Variants in OR4K1 observed in about 807,000 individuals in gnomAD.
OR4K1 encodes the protein olfactory receptor 4K1.
In OR4K1, 16 loss-of-function variants were observed where a neutral mutation model predicts 14.4. The ratio of observed to expected loss-of-function variants is 1.11; its 90% confidence interval spans 0.75 to 1.68. OR4K1 has a LOEUF of 1.68. Among genes scored for constraint, OR4K1 ranks in the 40% most tolerant of loss-of-function variants. The probability of loss-of-function intolerance (pLI) is 0.00; values close to 1 mark genes in which losing one functional copy is unlikely to be tolerated. For synonymous variants in OR4K1, 181 were observed against 133.1 expected, an observed-to-expected ratio of 1.36 and a Z score of -2.48; for missense variants, 548 against 376.9, an observed-to-expected ratio of 1.45 and a Z score of -3.76.
At chr14:19,935,476 G>A (rs1882283562) in intron 1 of OR4K1, 172 bp from the exon 2 acceptor site, 2 of 525,444 alleles carry the variant, frequency 3.8e-6, no homozygotes, top group African/African-American at 2.0e-5. Context: ...AACTTTCATA[G>A]CAGTCATGGA....
chr14:19,924,152 G>C, the OR4K1 span, among the ~76,000 whole-genome samples: 1 of 152,112 alleles, frequency 6.6e-6, no homozygotes, highest in Non-Finnish European at 1.5e-5. Context: ...TGTAATCCTA[G>C]CACTTTGGGA....
chr14:19,920,723 G>C, the OR4K1 span: 1 of 1,613,978 alleles, frequency 6.2e-7, no homozygotes, highest in Non-Finnish European at 8.5e-7. Context: ...CAGTCATTGT[G>C]CTGGGAAATC....
the OR4K1 span, among the ~76,000 whole-genome samples, chr14:19,923,157 T>C: frequency 6.6e-6 from 1 of 152,250 alleles, no homozygotes; most frequent in Non-Finnish European, 1.5e-5. Context: ...TGGTGTCATT[T>C]ATTTAATTGT....
upstream of OR4K1, among the ~76,000 whole-genome samples, chr14:19,928,383 G>T (rs1359165273): frequency 9.2e-5 from 14 of 152,132 alleles, no homozygotes; most frequent in Non-Finnish European, 1.9e-4. Flanking sequence ...CTTTTAGCCA[G>T]GATCTCTTCA....
the OR4K1 span, chr14:19,921,002 T>C: frequency 1.2e-6 from 2 of 1,614,186 alleles, no homozygotes; most frequent in Non-Finnish European, 1.7e-6. Flanking sequence ...CCTTATACTA[T>C]GTGGTCATCA....
At chr14:19,920,710 A>G in the OR4K1 span, 2 of 1,614,134 alleles carry the variant, frequency 1.2e-6, no homozygotes, top group Middle Eastern at 1.6e-4. Context: ...TCTGTGTTGT[A>G]TACAGTCATT....
chr14:19,926,602 C>T (rs1233559658), upstream of OR4K1, among the ~76,000 whole-genome samples: 1 of 152,164 alleles, frequency 6.6e-6, no homozygotes, highest in Non-Finnish European at 1.5e-5. Context: ...GAAAGAGGCA[C>T]AGTTCTCTCA....
the OR4K1 span, among the ~76,000 whole-genome samples, chr14:19,924,702 C>T: frequency 6.6e-6 from 1 of 152,162 alleles, no homozygotes; most frequent in Non-Finnish European, 1.5e-5. Context: ...TGGTTATATA[C>T]CCAAAGGAAT....
At position 19,936,056 on chromosome 14, in the gene OR4K1, G is replaced by T; in HGVS notation, c.390G>T (p.Leu130=). Residue 130 remains leucine, a synonymous_variant, in exon 2 of 2, where the codon CTG becomes CTT. Transcript: ENST00000641172. ...GATTTATAGCCATATGTAAGCCTCTGCACTACAGTACAATTATGAACCGGA... is the reference window on the plus strand; with the variant it reads ...GATTTATAGCCATATGTAAGCCTCTTCACTACAGTACAATTATGAACCGGA... ...YDRFIAICKP[L]HYSTIMNRRL... is the part of the protein sequence containing the mutation. 1 of 1,614,244 alleles carries T rather than the reference G, an allele frequency of 6.2e-7. No individual in the cohort carries two copies. Among genetic ancestry groups the T allele is most frequent in the African/African-American group, 1.3e-5 (1 of 75,058 alleles).
chr14:19,927,673 C>T (rs112948662), upstream of OR4K1, among the ~76,000 whole-genome samples: 1 of 152,206 alleles, frequency 6.6e-6, no homozygotes, highest in Non-Finnish European at 1.5e-5. Flanking sequence ...TGTTATGGTG[C>T]CATTCTGCAG....
At chr14:19,929,844 C>T (rs976154315), upstream of OR4K1, among the ~76,000 whole-genome samples, 6 of 152,188 alleles carry the variant, frequency 3.9e-5, no homozygotes, top group Non-Finnish European at 7.4e-5. Flanking sequence ...TTGTGATAGT[C>T]CCTTAACTGT....
chr14:19,936,416 C>T lies in OR4K1; in HGVS notation c.750C>T (p.Phe250=), dbSNP rs752115655. The change falls in exon 2 of 2, where the codon TTC becomes TTT. Residue 250 remains phenylalanine, a synonymous_variant. Coordinates refer to ENST00000641172, the MANE Select transcript of OR4K1 (RefSeq NM_001004063.3). ...LTAHITVVIL[F]FGPCIYFYIW... is the part of the protein sequence containing the mutation. ...CCCACATCACAGTGGTCATTCTTTT[C>T]TTCGGGCCTTGCATTTATTTCTATA... The T allele has an allele frequency of 1.2e-6, 2 of 1,614,042 alleles. No homozygotes were observed. Among genetic ancestry groups the T allele is most frequent in the African/African-American group, 1.3e-5 (1 of 74,926 alleles).
At chr14:19,933,768 G>A (rs1882239453) in intron 1 of OR4K1, among the ~76,000 whole-genome samples, 1 of 152,124 alleles carries the variant, frequency 6.6e-6, no homozygotes, top group South Asian at 2.1e-4. Flanking sequence ...TGTATTTTTA[G>A]TAGAGACGGG....
intron 1 of OR4K1, among the ~76,000 whole-genome samples, chr14:19,931,572 CTAGGCTTA>C (rs1454095054): frequency 1.3e-5 from 2 of 152,162 alleles, no homozygotes; most frequent in African/African-American, 4.8e-5. Flanking sequence ...TTGTTTGCTT[CTAGGCTTA>C]TAGGTAATCA....
intron 1 of OR4K1, among the ~76,000 whole-genome samples, chr14:19,932,333 TTCCTCCTCC>T (rs113089255): frequency 5.9e-5 from 9 of 151,502 alleles, no homozygotes; most frequent in African/African-American, 1.5e-4. Flanking sequence ...TCCTTTTTTC[TTCCTCCTCC>T]TCCTCCTCCT....
chr14:19,925,690 C>T, the OR4K1 span, among the ~76,000 whole-genome samples: 174 of 152,230 alleles, frequency 1.1e-3, no homozygotes, highest in Non-Finnish European at 2.2e-3. Context: ...TCAGACAATG[C>T]CCAGCACAGA....
At chr14:19,931,577 C>T (rs1882185127) in intron 1 of OR4K1, among the ~76,000 whole-genome samples, 1 of 152,124 alleles carries the variant, frequency 6.6e-6, no homozygotes, top group African/African-American at 2.4e-5. Flanking sequence ...TGCTTCTAGG[C>T]TTATAGGTAA....
chr14:19,920,906 A>G, the OR4K1 span: 121 of 1,614,158 alleles, frequency 7.5e-5, 1 homozygote, highest in East Asian at 2.5e-3. Context: ...GCATAGCCCA[A>G]ATTTTCTTTA....
Position 19,936,558 on chromosome 14 carries a change from A to G in OR4K1, c.892A>G (p.Met298Val), listed in dbSNP as rs749584154. Reference protein sequence around the residue: ...SLRNEDVKAAMWKLRNRHVNS... With the variant: ...SLRNEDVKAAVWKLRNRHVNS... The stretch of plus-strand genomic sequence containing the variant: ...GAGGAATGAAGATGTTAAAGCAGCC[A>G]TGTGGAAGCTGAGAAACCGTCATGT... The change falls in exon 2 of 2, where the codon ATG (methionine) becomes GTG (valine). Residue 298 changes from methionine (M) to valine (V), a missense_variant. By Grantham distance (21) the Met-to-Val change is conservative. Coordinates refer to ENST00000641172, the MANE Select transcript of OR4K1 (RefSeq NM_001004063.3). The G allele has an allele frequency of 2.5e-6, 4 of 1,609,402 alleles. No individual in the cohort carries two copies. Among genetic ancestry groups the G allele is most frequent in the Non-Finnish European group, 3.4e-6 (4 of 1,178,438 alleles).
Sources: gnomAD v4.1 joint callset for allele counts (sites outside exome capture counted in the v4.1 genomes callset) on GRCh38, gnomAD v4.1.1 for gene constraint, MANE v1.5 for transcripts, NCBI Gene and HGNC (gene_info 2026-07-23, HGNC 2026-07-21) for gene names.